The following ARID5B variants were observed in gnomAD, a reference collection of about 807,000 sequenced individuals.
ARID5B encodes the protein AT-rich interactive domain-containing protein 5B.
Under a neutral mutation model 97.2 loss-of-function variants are expected in ARID5B, and 13 were observed. That is an observed-to-expected ratio of 0.13 (90% CI 0.09 to 0.21). ARID5B has a LOEUF of 0.21. ARID5B is among the 10% of genes least tolerant of loss of function. The pLI, the probability that ARID5B is intolerant of heterozygous loss-of-function variation, is 1.00. For missense variants in ARID5B, 1,210 were observed against 1,465.3 expected, an observed-to-expected ratio of 0.83 and a Z score of 2.84; for synonymous variants, 556 against 570.3, an observed-to-expected ratio of 0.97 and a Z score of 0.36.
At chr10:62,049,705 A>C (rs548010872) in intron 4 of ARID5B, among the ~76,000 whole-genome samples, 1 of 152,282 alleles carries the variant, frequency 6.6e-6, no homozygotes, top group East Asian at 1.9e-4. Flanking sequence ...ACCAACAGTA[A>C]AACTGTTATC....
chr10:62,090,259 T>G (rs1017556445), intron 9 of ARID5B, among the ~76,000 whole-genome samples: 1 of 152,254 alleles, frequency 6.6e-6, no homozygotes, highest in Non-Finnish European at 1.5e-5. Flanking sequence ...GAAATCTTCA[T>G]ACTTTGTCAA....
chr10:61,901,906 A>G (rs1219168615), intron 1 of ARID5B, among the ~76,000 whole-genome samples, 176 bp downstream of exon 1: 1 of 151,296 alleles, frequency 6.6e-6, no homozygotes, highest in Admixed American at 6.6e-5. Context: ...CACTGATCAT[A>G]CATACATAAT....
intron 3 of ARID5B, among the ~76,000 whole-genome samples, chr10:61,985,308 T>G (rs755169778): frequency 2.6e-5 from 4 of 151,810 alleles, no homozygotes; most frequent in Non-Finnish European, 4.4e-5. Flanking sequence ...TCTGTTCACA[T>G]GCCCACCACC....
intron 3 of ARID5B, among the ~76,000 whole-genome samples, chr10:61,955,197 T>C (rs1212721949): frequency 5.3e-5 from 8 of 152,160 alleles, no homozygotes; most frequent in African/African-American, 4.8e-5. Flanking sequence ...GTGGGGTACA[T>C]AGGACTCTAA....
chr10:62,087,474 C>T (rs912897750), intron 9 of ARID5B, among the ~76,000 whole-genome samples: 1 of 150,776 alleles, frequency 6.6e-6, no homozygotes, highest in Non-Finnish European at 1.5e-5. Flanking sequence ...TGTAGCCAGT[C>T]ATGTAGGCTG....
chr10:61,959,698 G>A lies in ARID5B; in HGVS notation c.502+19290G>A, dbSNP rs569115443. 3.1e-4 allele frequency among the ~76,000 whole-genome samples: 47 copies of A among 152,184 alleles called. 1 individual carries two copies. The highest frequency in any genetic ancestry group is 2.4e-4 in the Non-Finnish European group (16 of 68,000). On this transcript the variant is annotated intron_variant, in intron 3 of 9. Transcript: ENST00000279873. ...AAGGTTATGATATACCCTTTTAAAT[G>A]CCCAATTACCAGTTACTGTTCTCCC...
intron 2 of ARID5B, among the ~76,000 whole-genome samples, chr10:61,915,741 T>C (rs1843890468): frequency 6.6e-6 from 1 of 152,108 alleles, no homozygotes; most frequent in Non-Finnish European, 1.5e-5. Flanking sequence ...CTATCTGTCT[T>C]TGTTTGTTTG....
chr10:62,075,627 C>G (rs970691188), intron 8 of ARID5B, among the ~76,000 whole-genome samples: 9 of 152,232 alleles, frequency 5.9e-5, no homozygotes, highest in Non-Finnish European at 8.8e-5. Flanking sequence ...CAAAGCTCCT[C>G]TTTCACTTCA....
intron 2 of ARID5B, among the ~76,000 whole-genome samples, chr10:61,922,291 C>A (rs935445315): frequency 6.6e-6 from 1 of 151,828 alleles, no homozygotes; most frequent in East Asian, 1.9e-4. Context: ...TAAACAGGCT[C>A]CTTAATGCAT....
intron 4 of ARID5B, chr10:62,025,350 A>T (rs903166578): frequency 1.3e-5 from 2 of 152,186 alleles, no homozygotes; most frequent in South Asian, 4.1e-4. Flanking sequence ...TATCTTGGCC[A>T]TAGAATTCAG....
chr10:61,959,261 C>G (rs757532609), intron 3 of ARID5B, among the ~76,000 whole-genome samples: 3 of 152,132 alleles, frequency 2.0e-5, no homozygotes, highest in African/African-American at 7.2e-5. Flanking sequence ...CTCCTGAAGG[C>G]AATGTTAGTG....
At chr10:61,962,409 C>T (rs1838484245) in intron 3 of ARID5B, among the ~76,000 whole-genome samples, 1 of 152,200 alleles carries the variant, frequency 6.6e-6, no homozygotes, top group African/African-American at 2.4e-5. Context: ...CCTCATCATC[C>T]ATACTCCTCT....
chr10:62,084,611 AC>A (rs1231294035), intron 8 of ARID5B, among the ~76,000 whole-genome samples: 1 of 152,268 alleles, frequency 6.6e-6, no homozygotes, highest in Non-Finnish European at 1.5e-5. Context: ...CATTAATCAT[AC>A]CAAATGCATT....
chr10:62,050,839 A>G (rs1839778155), intron 4 of ARID5B, 49 bp from the exon 5 acceptor site: 49 of 1,495,510 alleles, frequency 3.3e-5, no homozygotes, highest in Non-Finnish European at 4.6e-5. Flanking sequence ...TTAATAAAGA[A>G]ACCCATGCAA....
rs1366883289 is a variant in ARID5B at position 62,093,044 on chromosome 10, C to T, written c.*14C>T. ...ACAAAACTGTAGGCTCAGCTCTGCC[C>T]AGCAGTCCAAAGCGGCATGGCCAAC... is the stretch of plus-strand genomic sequence containing the variant. On this transcript the variant is annotated 3_prime_UTR_variant, in exon 10 of 10. Transcript: ENST00000279873. The T allele has an allele frequency of 6.3e-7, 1 of 1,592,562 alleles. No homozygotes were observed. Among genetic ancestry groups the T allele is most frequent in the Non-Finnish European group, 8.5e-7 (1 of 1,173,100 alleles).
At chr10:61,958,533 C>T (rs1838425151) in intron 3 of ARID5B, among the ~76,000 whole-genome samples, 1 of 152,120 alleles carries the variant, frequency 6.6e-6, no homozygotes, top group South Asian at 2.1e-4. Context: ...GCCGTGACCT[C>T]TTTTTCATTG....
At chr10:61,946,006 ATATT>A (rs1487175717) in intron 3 of ARID5B, among the ~76,000 whole-genome samples, 4 of 148,296 alleles carry the variant, frequency 2.7e-5, no homozygotes, top group Non-Finnish European at 4.5e-5. Flanking sequence ...ATTTTAATAT[ATATT>A]TATTTCAAAT....
chr10:62,003,162 G>A (rs1839102955), intron 4 of ARID5B, among the ~76,000 whole-genome samples: 1 of 152,156 alleles, frequency 6.6e-6, no homozygotes, highest in Non-Finnish European at 1.5e-5. Context: ...GGGGGTGGGA[G>A]GAGGTGTTCA....
chr10:61,927,402 C>T (rs1299340455), intron 2 of ARID5B, among the ~76,000 whole-genome samples: 3 of 152,168 alleles, frequency 2.0e-5, no homozygotes, highest in Non-Finnish European at 4.4e-5. Context: ...TAGAGCTGCA[C>T]TTGAACCTCA....
Sources: allele counts gnomAD v4.1 joint callset (sites outside exome capture counted in the v4.1 genomes callset), GRCh38; gene constraint gnomAD v4.1.1; transcripts MANE v1.5; gene names NCBI Gene and HGNC (gene_info 2026-07-23, HGNC 2026-07-21).